Variants in MAPKAPK3 observed in about 807,000 individuals in gnomAD.
MAPKAPK3 encodes the protein MAPK activated protein kinase 3.
Under a neutral mutation model 49.2 loss-of-function variants are expected in MAPKAPK3, and 35 were observed. That is an observed-to-expected ratio of 0.71 (90% CI 0.54 to 0.94). The LOEUF (loss-of-function observed/expected upper bound fraction) is 0.94, where lower values mean the gene tolerates loss of function less well. MAPKAPK3 is among the 40% of genes least tolerant of loss of function. The probability of loss-of-function intolerance (pLI) is 0.00; values close to 1 mark genes in which losing one functional copy is unlikely to be tolerated. For missense variants in MAPKAPK3, 398 were observed against 493.1 expected, an observed-to-expected ratio of 0.81 and a Z score of 1.83; for synonymous variants, 178 against 188.7, an observed-to-expected ratio of 0.94 and a Z score of 0.46.
At chr3:50,614,033 A>G (rs150449425), upstream of MAPKAPK3, 1 of 152,366 alleles carries the variant, frequency 6.6e-6, no homozygotes, top group East Asian at 1.9e-4. Flanking sequence ...GTGATTATGC[A>G]GTCTATGTGT....
At chr3:50,621,442 AC>A (rs1341622448) in intron 2 of MAPKAPK3, among the ~76,000 whole-genome samples, 1 of 152,094 alleles carries the variant, frequency 6.6e-6, no homozygotes, top group Non-Finnish European at 1.5e-5. Flanking sequence ...AAATAAAAAT[AC>A]AAAAATTTGC....
At chr3:50,622,691 G>A (rs180796614) in intron 2 of MAPKAPK3, among the ~76,000 whole-genome samples, 1 of 152,126 alleles carries the variant, frequency 6.6e-6, no homozygotes, top group Non-Finnish European at 1.5e-5. Context: ...ACAGAGAAAT[G>A]CTATTTCTAC....
At chr3:50,614,373 G>T (rs913129501), upstream of MAPKAPK3, among the ~76,000 whole-genome samples, 7 of 152,170 alleles carry the variant, frequency 4.6e-5, no homozygotes, top group African/African-American at 1.4e-4. Context: ...AGATTCCCCT[G>T]CCACTCCCTA....
At chr3:50,646,288 C>T (rs1335134275) in intron 8 of MAPKAPK3, 24 bp downstream of exon 8, 1 of 1,613,788 alleles carries the variant, frequency 6.2e-7, no homozygotes, top group South Asian at 1.1e-5. Context: ...TCTGTCCCAG[C>T]CTGACTCACC....
intron 6 of MAPKAPK3, 95 bp downstream of exon 6, chr3:50,644,627 G>A (rs1159580206): frequency 1.5e-6 from 2 of 1,347,218 alleles, no homozygotes; most frequent in Non-Finnish European, 2.0e-6. Flanking sequence ...AAGGGTTAAA[G>A]CCCAGCAAGG....
intron 5 of MAPKAPK3, 82 bp from the exon 6 acceptor site, chr3:50,644,327 G>A (rs1393789147): frequency 6.5e-7 from 1 of 1,534,936 alleles, no homozygotes; most frequent in African/African-American, 1.4e-5. Flanking sequence ...ATGGAGTCGG[G>A]GAGTCTGGCT....
chr3:50,633,657 A>C (rs1193674016), intron 2 of MAPKAPK3, among the ~76,000 whole-genome samples: 1 of 152,142 alleles, frequency 6.6e-6, no homozygotes, highest in African/African-American at 2.4e-5. Context: ...CAGCCTTGCC[A>C]TCCTGCAGCC....
upstream of MAPKAPK3, among the ~76,000 whole-genome samples, chr3:50,616,065 T>A (rs150555129): frequency 7.5e-3 from 1,144 of 152,274 alleles, 8 homozygotes; most frequent in African/African-American, 0.011. Context: ...CGCCTCTGAG[T>A]GGAACCGAGG....
intron 6 of MAPKAPK3, among the ~76,000 whole-genome samples, chr3:50,645,465 T>A (rs2033268343): frequency 6.6e-6 from 1 of 152,200 alleles, no homozygotes; most frequent in Non-Finnish European, 1.5e-5. Context: ...AGGTTGAGAC[T>A]GGTAGAGGGG....
intron 2 of MAPKAPK3, among the ~76,000 whole-genome samples, chr3:50,619,076 G>C (rs560601092): frequency 6.6e-6 from 1 of 152,310 alleles, no homozygotes; most frequent in African/African-American, 2.4e-5. Context: ...TCATGACCTT[G>C]GATGATATCC....
intron 2 of MAPKAPK3, among the ~76,000 whole-genome samples, chr3:50,633,414 A>G (rs144057279): frequency 0.014 from 2,168 of 151,778 alleles, 177 homozygotes; most frequent in Admixed American, 0.13. Context: ...ATGCATGCAC[A>G]CATTCATGTT....
chr3:50,628,370 G>A (rs1266345057), intron 2 of MAPKAPK3, among the ~76,000 whole-genome samples: 3 of 152,102 alleles, frequency 2.0e-5, no homozygotes, highest in East Asian at 3.9e-4. Flanking sequence ...GCTGCTGTGG[G>A]GTCTCTTCAT....
intron 2 of MAPKAPK3, among the ~76,000 whole-genome samples, chr3:50,637,617 G>A (rs2033071840): frequency 7.0e-6 from 1 of 143,466 alleles, no homozygotes; most frequent in Non-Finnish European, 1.5e-5. Context: ...GGGTGACAGA[G>A]CAAGACTCTG....
At chr3:50,631,852 C>T (rs1247763786) in intron 2 of MAPKAPK3, among the ~76,000 whole-genome samples, 3 of 152,210 alleles carry the variant, frequency 2.0e-5, no homozygotes, top group Non-Finnish European at 2.9e-5. Context: ...CCTGAGATTT[C>T]GTGTTGAGCA....
chr3:50,620,572 A>AGCTCC (rs2032586082), intron 2 of MAPKAPK3, among the ~76,000 whole-genome samples: 2 of 152,182 alleles, frequency 1.3e-5, no homozygotes, highest in African/African-American at 2.4e-5. Flanking sequence ...AGCTGTGGCC[A>AGCTCC]CTGTCCTTGT....
At chr3:50,628,278 T>G (rs1194131030) in intron 2 of MAPKAPK3, among the ~76,000 whole-genome samples, 1 of 151,928 alleles carries the variant, frequency 6.6e-6, no homozygotes, top group Non-Finnish European at 1.5e-5. Flanking sequence ...CTAGGGAGGG[T>G]GGTATGGCCC....
chr3:50,632,188 A>C (rs1320763349), intron 2 of MAPKAPK3, among the ~76,000 whole-genome samples: 1 of 152,228 alleles, frequency 6.6e-6, no homozygotes, highest in Non-Finnish European at 1.5e-5. Flanking sequence ...GTTTTCTCCT[A>C]TATAAGGTTT....
intron 2 of MAPKAPK3, among the ~76,000 whole-genome samples, chr3:50,638,757 G>T (rs1357187625): frequency 1.3e-5 from 2 of 152,190 alleles, no homozygotes; most frequent in Non-Finnish European, 2.9e-5. Flanking sequence ...AGCGTGCATG[G>T]TCACAGAGCC....
intron 2 of MAPKAPK3, among the ~76,000 whole-genome samples, chr3:50,623,832 G>A (rs2032669231): frequency 1.3e-5 from 2 of 152,234 alleles, no homozygotes; most frequent in South Asian, 4.1e-4. Context: ...CTTGGTCCTT[G>A]GAAAGATGCT....
Sources: gnomAD v4.1 joint callset for allele counts (sites outside exome capture counted in the v4.1 genomes callset) on GRCh38, gnomAD v4.1.1 for gene constraint, MANE v1.5 for transcripts, NCBI Gene and HGNC (gene_info 2026-07-23, HGNC 2026-07-21) for gene names.